Variants in TAFA5 observed in about 807,000 individuals in gnomAD.
TAFA5 encodes TAFA chemokine like family member 5.
In TAFA5, 6 loss-of-function variants were observed where a neutral mutation model predicts 15.3. The ratio of observed to expected loss-of-function variants is 0.39; its 90% CI spans 0.21 to 0.77. The LOEUF (loss-of-function observed/expected upper bound fraction) is 0.77, where lower values mean the gene tolerates loss of function less well. Among genes scored for constraint, TAFA5 ranks in the 30% least tolerant of loss-of-function variants. The probability of loss-of-function intolerance (pLI) is 0.41; values close to 1 mark genes in which losing one functional copy is unlikely to be tolerated. For missense variants in TAFA5, 161 were observed against 193.1 expected (o/e 0.83, Z 0.98); for synonymous variants, 103 against 80.7 (o/e 1.28, Z -1.48).
chr22:48,529,345 A>G (rs1361067495), intron 1 of TAFA5, among the ~76,000 whole-genome samples: 1 of 84,524 alleles, frequency 1.2e-5, no homozygotes, highest in Non-Finnish European at 2.4e-5. Context: ...GTGTCCAGGC[A>G]GGAGATGAGG....
chr22:48,504,589 G>A (rs1344382863), intron 1 of TAFA5, among the ~76,000 whole-genome samples: 1 of 151,726 alleles, frequency 6.6e-6, no homozygotes, highest in Non-Finnish European at 1.5e-5. Flanking sequence ...TGGGGGGAAG[G>A]ACACAGAGCT....
intron 1 of TAFA5, among the ~76,000 whole-genome samples, chr22:48,558,199 C>T (rs751126778): frequency 7.2e-5 from 11 of 152,304 alleles, no homozygotes; most frequent in East Asian, 3.9e-4. Context: ...GTCATTATTG[C>T]GTCTTCGCTC....
intron 1 of TAFA5, among the ~76,000 whole-genome samples, chr22:48,542,630 G>GGTGTGATGTGT (rs1922486471): frequency 5.9e-5 from 1 of 16,864 alleles, no homozygotes; most frequent in Non-Finnish European, 1.1e-4. Flanking sequence ...GGTGTGTGTG[G>GGTGTGATGTGT]GTGTGTGATG....
At position 48,530,602 on chromosome 22, in the gene TAFA5, G is replaced by A. The variant is rs912717144; in HGVS notation, c.112+40898G>A. ...GCTAGAGGGTGGGCAAGAAACCAGC[G>A]CTCCCCTGGCTCCCTCCCTTCCCAT... On this transcript the variant is annotated intron_variant, in intron 1 of 3. Coordinates refer to ENST00000402357, the MANE Select transcript of TAFA5 (RefSeq NM_001082967.3). This position sits in a 1 kb window ranked among gnomAD's most constrained non-coding sequence, Gnocchi z 6.0. Among the ~76,000 whole-genome samples the A allele has an allele frequency of 6.6e-6, 1 of 152,082 alleles. No individual in the cohort carries two copies. Among genetic ancestry groups the A allele is most frequent in the Non-Finnish European group, 1.5e-5 (1 of 68,002 alleles).
chr22:48,574,920 C>T (rs1923708680), intron 1 of TAFA5, among the ~76,000 whole-genome samples: 1 of 152,240 alleles, frequency 6.6e-6, no homozygotes, highest in Non-Finnish European at 1.5e-5. Context: ...CCGTTTGTTT[C>T]CTCTGGAACG....
chr22:48,672,442 C>A (rs892518516), intron 2 of TAFA5, among the ~76,000 whole-genome samples: 1 of 152,152 alleles, frequency 6.6e-6, no homozygotes, highest in African/African-American at 2.4e-5. Flanking sequence ...ATCCATTTTC[C>A]TTACATTTAT....
chr22:48,726,701 A>G (rs12159293), intron 3 of TAFA5, among the ~76,000 whole-genome samples: 1 of 142,276 alleles, frequency 7.0e-6, no homozygotes, highest in Admixed American at 7.0e-5. Flanking sequence ...GTGGTAGTCT[A>G]TACGGGAGAA....
intron 1 of TAFA5, among the ~76,000 whole-genome samples, chr22:48,582,715 A>G (rs1220355913): frequency 6.6e-6 from 1 of 150,968 alleles, no homozygotes; most frequent in East Asian, 2.0e-4. Context: ...AATACACCAC[A>G]CACTACACTC....
chr22:48,681,793 A>G (rs1928199118), intron 2 of TAFA5, among the ~76,000 whole-genome samples: 1 of 152,036 alleles, frequency 6.6e-6, no homozygotes, highest in Non-Finnish European at 1.5e-5. Flanking sequence ...TCTTGCACAC[A>G]CTCCGGATCC....
chr22:48,641,169 C>CTTGT lies in TAFA5; in HGVS notation c.113-5427_113-5426insTGTT, dbSNP rs1319984098. On this transcript the variant is annotated intron_variant, in intron 1 of 3. Coordinates refer to ENST00000402357, the MANE Select transcript of TAFA5 (RefSeq NM_001082967.3). ...AGACCGTGGGGGCACCGTGGCCCCC[C>CTTGT]TGCCAGGGCAGTGGGAACAGTGGTC... 9.2e-3 allele frequency among the ~76,000 whole-genome samples: 1,345 copies of CTTGT among 146,600 alleles called. 74 individuals carry two copies. Among genetic ancestry groups the CTTGT allele is most frequent in the East Asian group, 0.035 (172 of 4,892 alleles).
intron 1 of TAFA5, among the ~76,000 whole-genome samples, chr22:48,506,078 T>G (rs927179548): frequency 6.6e-6 from 1 of 152,132 alleles, no homozygotes; most frequent in African/African-American, 2.4e-5. Context: ...GAGGTCGCCC[T>G]TCCCTGCACA....
intron 2 of TAFA5, among the ~76,000 whole-genome samples, chr22:48,674,333 T>C (rs972399080): frequency 1.4e-5 from 2 of 141,334 alleles, no homozygotes; most frequent in African/African-American, 4.9e-5. Flanking sequence ...GCAGGGCTTT[T>C]GTTCCGCCAG....
intron 2 of TAFA5, among the ~76,000 whole-genome samples, chr22:48,677,356 T>G (rs1928008427): frequency 1.3e-5 from 2 of 152,232 alleles, no homozygotes; most frequent in African/African-American, 4.8e-5. Flanking sequence ...GATGTGCAGT[T>G]CTGGGGATGG....
chr22:48,507,590 AG>A (rs1291843359), intron 1 of TAFA5, among the ~76,000 whole-genome samples: 6 of 152,178 alleles, frequency 3.9e-5, no homozygotes, highest in Non-Finnish European at 8.8e-5. Flanking sequence ...CGTGGCATCC[AG>A]GGTTGTCTTT....
At chr22:48,652,063 T>C (rs1927074074) in intron 2 of TAFA5, among the ~76,000 whole-genome samples, 1 of 152,050 alleles carries the variant, frequency 6.6e-6, no homozygotes, top group Non-Finnish European at 1.5e-5. Context: ...ATTACAGGAG[T>C]GCAGGAGCAA....
At chr22:48,510,983 G>A (rs542188015) in intron 1 of TAFA5, among the ~76,000 whole-genome samples, 1 of 152,232 alleles carries the variant, frequency 6.6e-6, no homozygotes, top group African/African-American at 2.4e-5. Flanking sequence ...GGGAGGGGCT[G>A]GGCACCCCAT....
chr22:48,707,911 C>A (rs1929132624), intron 3 of TAFA5, 67 bp downstream of exon 3: 1 of 1,559,064 alleles, frequency 6.4e-7, no homozygotes. Flanking sequence ...GCCTCCGACG[C>A]CACCCGGGCT....
At chr22:48,546,200 G>A (rs1031355053) in intron 1 of TAFA5, among the ~76,000 whole-genome samples, 1 of 152,228 alleles carries the variant, frequency 6.6e-6, no homozygotes, top group Admixed American at 6.5e-5. Context: ...GCGCCTGCAC[G>A]TGGCCAGCAG....
chr22:48,612,356 A>G (rs1480157197), intron 1 of TAFA5, among the ~76,000 whole-genome samples: 1 of 152,180 alleles, frequency 6.6e-6, no homozygotes, highest in East Asian at 1.9e-4. Flanking sequence ...CGTGTCTCAC[A>G]GCCTGTGCGC....
Sources: gnomAD v4.1 joint callset for allele counts (sites outside exome capture counted in the v4.1 genomes callset) on GRCh38, gnomAD v4.1.1 for gene constraint, Gnocchi (gnomAD v3.1) non-coding constraint, MANE v1.5 for transcripts, NCBI Gene and HGNC (gene_info 2026-07-23, HGNC 2026-07-21) for gene names.